Variants in ALOX5 observed in about 807,000 individuals in gnomAD.
ALOX5 encodes the protein arachidonate 5-lipoxygenase.
Under a neutral mutation model 87.9 loss-of-function variants are expected in ALOX5, and 64 were observed. The observed-to-expected ratio is 0.73, with a 90% CI of 0.60 to 0.90. The LOEUF (loss-of-function observed/expected upper bound fraction) is 0.90. ALOX5 is among the 40% of genes least tolerant of loss of function. The pLI is 0.00. For missense variants in ALOX5, 822 were observed against 907.5 expected, an observed-to-expected ratio of 0.91 and a Z score of 1.21; for synonymous variants, 388 against 355.1, an observed-to-expected ratio of 1.09 and a Z score of -1.04.
At chr10:45,424,259 G>A in intron 5 of ALOX5, 112 bp downstream of exon 5, 9 of 881,912 alleles carry the variant, frequency 1.0e-5, no homozygotes, top group Admixed American at 5.5e-5. Context: ...CAGCATGGGG[G>A]CCTCGCTGCC....
intron 1 of ALOX5, among the ~76,000 whole-genome samples, chr10:45,379,354 G>A (rs971123592): frequency 2.6e-5 from 4 of 152,198 alleles, no homozygotes; most frequent in East Asian, 1.9e-4. Flanking sequence ...GACCAGGCCC[G>A]GGCCTCTGGT....
intron 3 of ALOX5, among the ~76,000 whole-genome samples, chr10:45,398,951 C>T (rs1371613854): frequency 1.3e-5 from 2 of 152,188 alleles, no homozygotes; most frequent in African/African-American, 4.8e-5. Context: ...CATTTCCACT[C>T]TTAAGCATAT....
In ALOX5 at chr10:45,445,090, C is replaced by T. The variant is rs567796176; in HGVS notation, c.1846-418C>T. Among the ~76,000 whole-genome samples the T allele has an allele frequency of 2.6e-5, 4 of 152,388 alleles. No homozygotes were observed. In the East Asian group the frequency reaches 7.7e-4, roughly 29 times the overall value. On this transcript the variant is annotated intron_variant, in intron 13 of 13. Transcript: ENST00000374391. Reference sequence around the variant, plus strand: ...CAGGGCAGCCACCCCTTCAGGCTCCCTGGCCCGCTTTCTGCCTTCCTGGGC... The same window carrying T: ...CAGGGCAGCCACCCCTTCAGGCTCCTTGGCCCGCTTTCTGCCTTCCTGGGC...
chr10:45,415,727 A>G (rs1489251904), intron 4 of ALOX5, among the ~76,000 whole-genome samples: 1 of 152,222 alleles, frequency 6.6e-6, no homozygotes. Flanking sequence ...TGGTCACGTT[A>G]CTGAATCCAC....
chr10:45,432,626 A>C (rs1217783771), intron 7 of ALOX5, among the ~76,000 whole-genome samples: 1 of 152,226 alleles, frequency 6.6e-6, no homozygotes, highest in Non-Finnish European at 1.5e-5. Flanking sequence ...CTGCTCTGTC[A>C]TGCCATTTAC....
At chr10:45,419,311 G>C (rs1462819192) in intron 4 of ALOX5, among the ~76,000 whole-genome samples, 2 of 152,238 alleles carry the variant, frequency 1.3e-5, no homozygotes, top group Admixed American at 6.5e-5. Context: ...CGGCCGGGGG[G>C]GTCATTTACA....
At chr10:45,428,400 C>T in intron 6 of ALOX5, 1 of 578,192 alleles carries the variant, frequency 1.7e-6, no homozygotes, top group Non-Finnish European at 3.0e-6. Flanking sequence ...GAATGAGCTG[C>T]TGCCATTCCT....
chr10:45,418,771 G>A (rs987875884), intron 4 of ALOX5, among the ~76,000 whole-genome samples: 9 of 152,212 alleles, frequency 5.9e-5, no homozygotes, highest in African/African-American at 1.7e-4. Flanking sequence ...CTGGTGGTGT[G>A]GAGGGAGGAA....
chr10:45,444,273 T>A lies in ALOX5; in HGVS notation c.1832T>A (p.Phe611Tyr), dbSNP rs942608209. The A allele has an allele frequency of 6.4e-7, 1 of 1,553,998 alleles. No homozygotes were observed. Residue 611 changes from phenylalanine to tyrosine, a missense_variant, in exon 13 of 14, where the codon TTC becomes TAC. Coordinates refer to ENST00000374391, the MANE Select transcript of ALOX5 (RefSeq NM_000698.5). ...GGTGCAGTGTGGGCGCTGAGCCAGT[T>A]CCAGGAAAACGAGGTGAAGCTGGGC... is the stretch of plus-strand genomic sequence containing the variant. ...HLGAVWALSQ[F>Y]QENELFLGMY... is the part of the protein sequence containing the mutation.
intron 3 of ALOX5, among the ~76,000 whole-genome samples, chr10:45,409,566 T>TTG (rs1840997007): frequency 1.3e-5 from 2 of 149,824 alleles, no homozygotes; most frequent in Middle Eastern, 3.2e-3. Flanking sequence ...TCTCTCTCTC[T>TTG]CTTTCTCTCT....
intron 8 of ALOX5, 71 bp from the exon 9 acceptor site, chr10:45,441,273 G>A: frequency 7.2e-7 from 1 of 1,385,998 alleles, no homozygotes; most frequent in Non-Finnish European, 1.0e-6. Flanking sequence ...GGGTGGGGGA[G>A]CTGCGGGTCC....
intron 7 of ALOX5, among the ~76,000 whole-genome samples, chr10:45,430,053 T>C (rs1456198260): frequency 1.3e-5 from 2 of 152,174 alleles, no homozygotes; most frequent in Non-Finnish European, 2.9e-5. Flanking sequence ...AGAAGCCCTG[T>C]GCCTAAGAAA....
At chr10:45,414,010 C>T (rs903748391) in intron 4 of ALOX5, among the ~76,000 whole-genome samples, 7 of 152,208 alleles carry the variant, frequency 4.6e-5, no homozygotes, top group African/African-American at 9.7e-5. Flanking sequence ...AATGGCCATA[C>T]TCCCAAGGTA....
At chr10:45,396,029 GCCTGTCA>G in intron 3 of ALOX5, 93 bp downstream of exon 3, 3 of 1,319,556 alleles carry the variant, frequency 2.3e-6, no homozygotes, top group Non-Finnish European at 3.2e-6. Context: ...ACAGTGTATG[GCCTGTCA>G]CTGCTGGAAA....
intron 13 of ALOX5, 54 bp downstream of exon 13, chr10:45,444,340 C>T (rs1041427393): frequency 1.3e-6 from 2 of 1,499,904 alleles, no homozygotes; most frequent in African/African-American, 2.8e-5. Context: ...TTAAGCGGTT[C>T]CTCAGCCTCA....
chr10:45,382,593 G>C lies in ALOX5; in HGVS notation c.261G>C (p.Thr87=), dbSNP rs758568546. The part of the protein sequence containing the change: ...LNDDWYLKYI[T]LKTPHGDYIE... Reference sequence around the variant, plus strand: ...ACGACTGGTACCTGAAGTACATCACGCTGAAGACGCCCCACGGGGACTACA... The same window carrying C: ...ACGACTGGTACCTGAAGTACATCACCCTGAAGACGCCCCACGGGGACTACA... The change falls in exon 2 of 14, where the codon ACG becomes ACC. Residue 87 remains threonine, a synonymous_variant. Coordinates refer to ENST00000374391, the MANE Select transcript of ALOX5 (RefSeq NM_000698.5). The C allele has an allele frequency of 6.2e-7, 1 of 1,614,036 alleles. No individual in the cohort carries two copies. The highest frequency in any genetic ancestry group is 8.5e-7 in the Non-Finnish European group (1 of 1,180,054).
At chr10:45,429,118 G>A (rs913212589) in intron 7 of ALOX5, among the ~76,000 whole-genome samples, 3 of 152,204 alleles carry the variant, frequency 2.0e-5, no homozygotes, top group Admixed American at 6.5e-5. Context: ...GGGCACCATG[G>A]GTTCTGGGGT....
chr10:45,444,019 C>T (rs929796992), intron 12 of ALOX5, 97 bp from the exon 13 acceptor site: 1 of 1,453,698 alleles, frequency 6.9e-7, no homozygotes, highest in Non-Finnish European at 9.1e-7. Flanking sequence ...CTGCAGGGCC[C>T]GCTGGAGTTG....
intron 4 of ALOX5, among the ~76,000 whole-genome samples, chr10:45,420,125 A>G (rs975762621): frequency 2.0e-5 from 3 of 152,198 alleles, no homozygotes; most frequent in Non-Finnish European, 4.4e-5. Context: ...TAACTTCCCA[A>G]ATGCTACCCG....
Sources: gnomAD v4.1 joint callset for allele counts (sites outside exome capture counted in the v4.1 genomes callset) on GRCh38, gnomAD v4.1.1 for gene constraint, MANE v1.5 for transcripts, NCBI Gene and HGNC (gene_info 2026-07-23, HGNC 2026-07-21) for gene names.